Variants in MYRFL observed in about 807,000 individuals in gnomAD.
MYRFL encodes myelin regulatory factor-like protein.
In MYRFL, 88 loss-of-function variants were observed where a neutral mutation model predicts 109.4. That is an observed-to-expected ratio of 0.80 (90% confidence interval 0.68 to 0.96). The LOEUF (loss-of-function observed/expected upper bound fraction) is 0.96. MYRFL is among the 40% of genes least tolerant of loss of function. The pLI is 0.00. For synonymous variants in MYRFL, 324 were observed against 320.9 expected (o/e 1.01, Z -0.10); for missense variants, 957 against 954.9 (o/e 1.00, Z -0.03).
intron 11 of MYRFL, among the ~76,000 whole-genome samples, chr12:69,905,274 T>A (rs1954319338): frequency 6.6e-6 from 1 of 152,234 alleles, no homozygotes; most frequent in Non-Finnish European, 1.5e-5. Context: ...CCACCAGGCA[T>A]AACACAGAAC....
At chr12:69,888,891 G>A (rs527719426) in intron 6 of MYRFL, among the ~76,000 whole-genome samples, 1 of 152,298 alleles carries the variant, frequency 6.6e-6, no homozygotes, top group Admixed American at 6.5e-5. Flanking sequence ...CATAAGATGT[G>A]TAGTCTTTAT....
intron 11 of MYRFL, among the ~76,000 whole-genome samples, chr12:69,906,648 A>G (rs1352034210): frequency 2.0e-5 from 3 of 152,250 alleles, no homozygotes; most frequent in Non-Finnish European, 4.4e-5. Context: ...AGTGGAAGAC[A>G]AAAGTAGACA....
intron 13 of MYRFL, among the ~76,000 whole-genome samples, chr12:69,919,356 T>G (rs1334998036): frequency 6.6e-6 from 1 of 152,144 alleles, no homozygotes; most frequent in Non-Finnish European, 1.5e-5. Context: ...TAAATGAAAG[T>G]AACAAAAATT....
At chr12:69,898,369 C>T (rs1954071846) in intron 10 of MYRFL, among the ~76,000 whole-genome samples, 1 of 152,090 alleles carries the variant, frequency 6.6e-6, no homozygotes, top group Non-Finnish European at 1.5e-5. Flanking sequence ...TTCAGCAATC[C>T]CAGGGTTAGG....
Position 69,958,371 on chromosome 12 carries a change from A to AT in MYRFL, c.2646+49dup, listed in dbSNP as rs199518652. 70 of 1,518,252 alleles carry AT rather than the reference A, an allele frequency of 4.6e-5. No individual in the cohort carries two copies. In the African/African-American group the frequency reaches 5.0e-4, roughly 11 times the overall value. 94.0% of individuals were successfully genotyped at this position (1,518,252 alleles called of 1,614,324 possible). The stretch of plus-strand genomic sequence containing the variant: ...TTTTCAGTGAGAAAGAAATTGAGCA[A>AT]TAAAAAAAAATCACTTTAACCACAG... On this transcript the variant is annotated intron_variant, in intron 24 of 24. Transcript: ENST00000552032.
chr12:69,896,814 C>T (rs1020891849), intron 9 of MYRFL, among the ~76,000 whole-genome samples: 1 of 152,196 alleles, frequency 6.6e-6, no homozygotes, highest in African/African-American at 2.4e-5. Context: ...AGGACTGCAG[C>T]GTAGAGAGGC....
At chr12:69,838,749 C>T (rs750639800) in intron 1 of MYRFL, among the ~76,000 whole-genome samples, 10 of 152,134 alleles carry the variant, frequency 6.6e-5, no homozygotes, top group Non-Finnish European at 1.5e-4. Flanking sequence ...AAAATTGATT[C>T]CCAGACTTCC....
chr12:69,927,852 C>T, intron 15 of MYRFL, 104 bp downstream of exon 15: 1 of 1,051,202 alleles, frequency 9.5e-7, no homozygotes. Context: ...TTCAGAAAAT[C>T]CCTAGTTTGC....
At chr12:69,850,759 AT>A (rs1455336060) in intron 1 of MYRFL, among the ~76,000 whole-genome samples, 21 of 152,188 alleles carry the variant, frequency 1.4e-4, no homozygotes, top group Non-Finnish European at 4.4e-5. Flanking sequence ...TAAATCCTAT[AT>A]TTACATGAAT....
chr12:69,884,764 A>C (rs1886341617), intron 5 of MYRFL, among the ~76,000 whole-genome samples: 1 of 152,232 alleles, frequency 6.6e-6, no homozygotes, highest in Non-Finnish European at 1.5e-5. Context: ...CACTAGTAAT[A>C]GCTGAAGGCA....
chr12:69,898,166 A>G (rs1954062627), intron 10 of MYRFL, among the ~76,000 whole-genome samples: 1 of 152,202 alleles, frequency 6.6e-6, no homozygotes, highest in African/African-American at 2.4e-5. Flanking sequence ...TGAGGAAGAA[A>G]AGAAGATCTG....
chr12:69,904,387 G>A (rs1251735542), intron 11 of MYRFL: 1 of 152,448 alleles, frequency 6.6e-6, no homozygotes, highest in Non-Finnish European at 1.5e-5. Context: ...AGTTCCGGGT[G>A]AAGACCTTTT....
chr12:69,927,208 G>T (rs1279807981), intron 14 of MYRFL, among the ~76,000 whole-genome samples: 1 of 151,804 alleles, frequency 6.6e-6, no homozygotes, highest in Non-Finnish European at 1.5e-5. Flanking sequence ...GCCTCCCAAA[G>T]TGCTGGGATT....
chr12:69,868,391 G>C (rs1885137185), intron 2 of MYRFL, among the ~76,000 whole-genome samples: 1 of 152,092 alleles, frequency 6.6e-6, no homozygotes, highest in Non-Finnish European at 1.5e-5. Context: ...GGGATTACGG[G>C]CATGAGCCAC....
chr12:69,872,222 A>G (rs1386951673), intron 2 of MYRFL, among the ~76,000 whole-genome samples: 1 of 151,990 alleles, frequency 6.6e-6, no homozygotes, highest in East Asian at 1.9e-4. Flanking sequence ...TCTTGTACAC[A>G]TTTTTCTCTT....
intron 8 of MYRFL, 109 bp downstream of exon 8, chr12:69,893,949 T>A: frequency 3.7e-6 from 1 of 271,126 alleles, no homozygotes; most frequent in Non-Finnish European, 6.2e-6. Flanking sequence ...TTTGCTTATT[T>A]AAAATGAAAC....
intron 8 of MYRFL, among the ~76,000 whole-genome samples, chr12:69,894,458 C>T (rs1297678123): frequency 6.6e-6 from 1 of 152,176 alleles, no homozygotes; most frequent in Non-Finnish European, 1.5e-5. Context: ...TGCTAACAAC[C>T]TTACTAACAA....
At chr12:69,952,307 C>A in intron 20 of MYRFL, 132 bp downstream of exon 20, 1 of 770,386 alleles carries the variant, frequency 1.3e-6, no homozygotes, top group South Asian at 1.6e-5. Flanking sequence ...ATCCATGGGA[C>A]TGTGTGTTAT....
intron 13 of MYRFL, among the ~76,000 whole-genome samples, chr12:69,919,644 C>G (rs1452885768): frequency 1.3e-5 from 2 of 152,124 alleles, no homozygotes; most frequent in African/African-American, 4.8e-5. Context: ...ACGCTCTCCA[C>G]AAAATAAACT....
Sources: allele counts gnomAD v4.1 joint callset (sites outside exome capture counted in the v4.1 genomes callset), GRCh38; gene constraint gnomAD v4.1.1; transcripts MANE v1.5; gene names NCBI Gene and HGNC (gene_info 2026-07-23, HGNC 2026-07-21).